PKIG: variants seen among roughly 807,000 people sequenced by gnomAD.
The protein encoded by PKIG is protein kinase (cAMP-dependent, catalytic) inhibitor gamma.
PKIG carries 1 observed loss-of-function variant against 6.8 expected under a neutral mutation model. That is an observed-to-expected ratio of 0.15 (90% CI 0.05 to 0.69). The LOEUF is 0.69. PKIG is among the 30% of genes least tolerant of loss of function. PKIG has a pLI of 0.82. For missense variants in PKIG, 77 were observed against 104.0 expected, an observed-to-expected ratio of 0.74 and a Z score of 1.13; for synonymous variants, 39 against 43.0, an observed-to-expected ratio of 0.91 and a Z score of 0.36.
At chr20:44,554,682 C>G (rs2064698196) in intron 1 of PKIG, among the ~76,000 whole-genome samples, 1 of 152,132 alleles carries the variant, frequency 6.6e-6, no homozygotes, top group Non-Finnish European at 1.5e-5. Flanking sequence ...TCTTGGTTTT[C>G]CTAACTTGTT....
chr20:44,616,207 C>T (rs1162982714), intron 3 of PKIG, among the ~76,000 whole-genome samples: 2 of 152,140 alleles, frequency 1.3e-5, no homozygotes, highest in African/African-American at 4.8e-5. Context: ...GCTGAGAAGC[C>T]TTCCCTGACC....
At chr20:44,533,647 A>G (rs980472398) in intron 1 of PKIG, among the ~76,000 whole-genome samples, 1 of 152,100 alleles carries the variant, frequency 6.6e-6, no homozygotes, top group African/African-American at 2.4e-5. Flanking sequence ...GAACTTAAAG[A>G]TCAATATTGA....
chr20:44,539,862 T>C (rs1177191820), intron 1 of PKIG, among the ~76,000 whole-genome samples: 3 of 152,200 alleles, frequency 2.0e-5, no homozygotes, highest in Admixed American at 6.5e-5. Flanking sequence ...CTCCTCTTCT[T>C]TTTTCCCCCT....
intron 1 of PKIG, among the ~76,000 whole-genome samples, chr20:44,554,433 C>T (rs1211437564): frequency 3.3e-5 from 5 of 152,130 alleles, no homozygotes; most frequent in Non-Finnish European, 7.3e-5. Flanking sequence ...ATGCTCATGA[C>T]AAATGCATAT....
In PKIG at chr20:44,618,445, C is replaced by A; in HGVS notation, c.*81C>A. On this transcript the variant is annotated 3_prime_UTR_variant, in exon 4 of 4. Transcript: ENST00000372886. ...GGAACCCTGGCACTGGCCCAGCAGCCTCTTCTCTGAGCTCCATGTCCCAGA... is the reference window on the plus strand; with the variant it reads ...GGAACCCTGGCACTGGCCCAGCAGCATCTTCTCTGAGCTCCATGTCCCAGA... 1.1e-6 allele frequency: 1 copy of A among 948,450 alleles called. No individual in the cohort carries two copies. Among genetic ancestry groups the A allele is most frequent in the Non-Finnish European group, 1.7e-6 (1 of 577,274 alleles). The allele number at this position is 948,450 out of a possible 1,614,324, so 58.8% of individuals were successfully genotyped here. A position where few individuals can be genotyped will look rare whatever the true frequency, so the allele number is the denominator to read the frequency against.
chr20:44,592,949 A>C (rs1195735277), intron 2 of PKIG, among the ~76,000 whole-genome samples: 1 of 152,168 alleles, frequency 6.6e-6, no homozygotes, highest in Non-Finnish European at 1.5e-5. Context: ...TAGAACAAAT[A>C]ATCCTAAAAT....
chr20:44,550,448 GA>G (rs2064657898), intron 1 of PKIG, among the ~76,000 whole-genome samples: 1 of 151,850 alleles, frequency 6.6e-6, no homozygotes, highest in African/African-American at 2.4e-5. Context: ...TTAAGATTAG[GA>G]AACAAAAAGA....
intron 2 of PKIG, among the ~76,000 whole-genome samples, chr20:44,597,935 C>G (rs1056535524): frequency 8.5e-5 from 13 of 152,382 alleles, no homozygotes; most frequent in African/African-American, 2.9e-4. Flanking sequence ...TAATCCATCA[C>G]CCCTGTTACT....
At chr20:44,610,492 T>TCACACACACACACA (rs1568835327) in intron 2 of PKIG, among the ~76,000 whole-genome samples, 3 of 116,050 alleles carry the variant, frequency 2.6e-5, no homozygotes, top group African/African-American at 8.3e-5. Context: ...CTCTTCTCTC[T>TCACACACACACACA]CTCTCTCTCA....
At chr20:44,564,594 A>G (rs1814607637) in intron 1 of PKIG, among the ~76,000 whole-genome samples, 1 of 151,512 alleles carries the variant, frequency 6.6e-6, no homozygotes, top group Non-Finnish European at 1.5e-5. Flanking sequence ...TTTTTTAGAG[A>G]TGGGGTCTTG....
intron 3 of PKIG, among the ~76,000 whole-genome samples, chr20:44,615,713 G>A (rs2065258665): frequency 6.6e-6 from 1 of 152,196 alleles, no homozygotes; most frequent in Non-Finnish European, 1.5e-5. Context: ...GAGGGCCACA[G>A]CCCTGCCCCT....
At chr20:44,601,380 T>G (rs1568830587) in intron 2 of PKIG, among the ~76,000 whole-genome samples, 1 of 152,240 alleles carries the variant, frequency 6.6e-6, no homozygotes, top group Non-Finnish European at 1.5e-5. Flanking sequence ...TCTGGTGACC[T>G]TGTGCTGGAT....
intron 1 of PKIG, chr20:44,564,168 A>C (rs922942985): frequency 6.6e-6 from 1 of 152,172 alleles, no homozygotes; most frequent in Non-Finnish European, 1.5e-5. Context: ...ACTACTTATT[A>C]ACCTCGCTTT....
In PKIG at chr20:44,614,324, G is replaced by GTTTTTTTT; in HGVS notation, c.-23-208_-23-207insTTTTTTTT. The GTTTTTTTT allele has an allele frequency of 2.0e-6, 1 of 488,822 alleles. No individual in the cohort carries two copies. The highest frequency in any genetic ancestry group is 2.9e-5 in the South Asian group (1 of 34,738). 30.3% of individuals were successfully genotyped at this position (488,822 alleles called of 1,614,324 possible). A position where few individuals can be genotyped will look rare whatever the true frequency, so the allele number is the denominator to read the frequency against. ...TATTTAAAGAAAAGTCTGAGCCCATGTTCTTTAAAATGTTGATGGTGGTTG... is the reference window on the plus strand; with the variant it reads ...TATTTAAAGAAAAGTCTGAGCCCATGTTTTTTTTTTCTTTAAAATGTTGATGGTGGTTG... On this transcript the variant is annotated intron_variant, in intron 2 of 3. Transcript: ENST00000372886. The surrounding 1 kb of genome is among the most constrained non-coding windows in gnomAD (Gnocchi z 4.6).
intron 1 of PKIG, among the ~76,000 whole-genome samples, chr20:44,537,252 G>A (rs760611322): frequency 2.0e-5 from 3 of 151,628 alleles, no homozygotes; most frequent in Non-Finnish European, 2.9e-5. Context: ...TTACAGGCAC[G>A]CGCCACCACG....
At chr20:44,602,161 T>C (rs1383435532) in intron 2 of PKIG, among the ~76,000 whole-genome samples, 2 of 152,238 alleles carry the variant, frequency 1.3e-5, no homozygotes, top group African/African-American at 4.8e-5. Flanking sequence ...AGAAAGAGCT[T>C]CATTCTTTAG....
At chr20:44,552,405 T>C (rs2064677061) in intron 1 of PKIG, among the ~76,000 whole-genome samples, 1 of 152,212 alleles carries the variant, frequency 6.6e-6, no homozygotes, top group African/African-American at 2.4e-5. Flanking sequence ...ATCTTGGAAA[T>C]AGAGAGATGA....
intron 1 of PKIG, among the ~76,000 whole-genome samples, chr20:44,542,260 T>C (rs2060435420): frequency 6.6e-6 from 1 of 152,180 alleles, no homozygotes. Context: ...CCCTTATCTG[T>C]AAAATGTCTC....
At chr20:44,548,919 A>T (rs2064642962) in intron 1 of PKIG, among the ~76,000 whole-genome samples, 1 of 151,486 alleles carries the variant, frequency 6.6e-6, no homozygotes, top group African/African-American at 2.4e-5. Flanking sequence ...TCTGTCTGAG[A>T]TAATAATTAG....
Sources: gnomAD v4.1 joint callset for allele counts (sites outside exome capture counted in the v4.1 genomes callset) on GRCh38, gnomAD v4.1.1 for gene constraint, Gnocchi (gnomAD v3.1) non-coding constraint, MANE v1.5 for transcripts, NCBI Gene and HGNC (gene_info 2026-07-23, HGNC 2026-07-21) for gene names.